The following SMC3 variants were observed in gnomAD, a reference collection of about 807,000 sequenced individuals.
SMC3 encodes structural maintenance of chromosomes 3, also known as structural maintenance of chromosomes protein 3.
Under a neutral mutation model 171.8 loss-of-function variants are expected in SMC3, and 20 were observed. That is an observed-to-expected ratio of 0.12 (90% CI 0.08 to 0.17). The LOEUF is 0.17. Among genes scored for constraint, SMC3 ranks in the 10% least tolerant of loss-of-function variants. The pLI is 1.00. For missense variants in SMC3, 543 were observed against 1,420.4 expected (o/e 0.38, Z 9.93); for synonymous variants, 464 against 451.1 (o/e 1.03, Z -0.36).
intron 2 of SMC3, 114 bp downstream of exon 2, chr10:110,569,127 A>G (rs943604036): frequency 8.1e-6 from 6 of 740,836 alleles, no homozygotes; most frequent in Non-Finnish European, 1.4e-5. Flanking sequence ...ATTAAGTTAT[A>G]TTTTTCTGCG....
At chr10:110,570,889 A>G (rs1473007743) in intron 2 of SMC3, among the ~76,000 whole-genome samples, 2 of 152,238 alleles carry the variant, frequency 1.3e-5, no homozygotes, top group Non-Finnish European at 2.9e-5. Flanking sequence ...TGTAAGACAT[A>G]ATGTAAGAAA....
intron 6 of SMC3, 149 bp from the exon 7 acceptor site, chr10:110,578,479 A>AT (rs1315966484): frequency 1.6e-6 from 1 of 643,460 alleles, no homozygotes. Flanking sequence ...GAGGATAAAC[A>AT]TAAGAATCAG....
chr10:110,569,663 T>C lies in SMC3; in HGVS notation c.91+650T>C, dbSNP rs543180814. ...AAATCCCAGTTGTGGCACACGTTCT[T>C]TTTCACTTTCTGAGAAGCTTCAGTT... On this transcript the variant is annotated intron_variant, in intron 2 of 28. Transcript: ENST00000361804. Among the ~76,000 whole-genome samples the C allele has an allele frequency of 3.9e-5, 6 of 152,294 alleles. No individual in the cohort carries two copies. The East Asian group carries it at 1.2e-3, about 29-fold the overall frequency.
intron 1 of SMC3, 139 bp from the exon 2 acceptor site, chr10:110,568,799 A>T: frequency 1.1e-5 from 7 of 633,112 alleles, no homozygotes; most frequent in Non-Finnish European, 2.0e-5. Flanking sequence ...TTTAATCACC[A>T]CTTTCCAAAA....
chr10:110,581,170 C>T lies in SMC3; in HGVS notation c.547+149C>T, dbSNP rs1861023721. 16 of 657,562 alleles carry T rather than the reference C, an allele frequency of 2.4e-5. 1 individual carries two copies. In the South Asian group the frequency reaches 2.6e-4, roughly 11 times the overall value. 40.7% of individuals were successfully genotyped at this position (657,562 alleles called of 1,614,324 possible). On this transcript the variant is annotated intron_variant, in intron 8 of 28. Coordinates refer to ENST00000361804, the MANE Select transcript of SMC3 (RefSeq NM_005445.4). The stretch of plus-strand genomic sequence containing the variant: ...AATAAAAATTGAGAATCCATAACAC[C>T]AATGATGTTAGTAGCTTTTAAAAAT...
At chr10:110,579,651 G>A (rs1861002570) in intron 7 of SMC3, among the ~76,000 whole-genome samples, 1 of 152,090 alleles carries the variant, frequency 6.6e-6, no homozygotes. Flanking sequence ...GCTCCATGAG[G>A]GTGGGACCTT....
At chr10:110,572,506 A>G (rs1860887160) in intron 2 of SMC3, among the ~76,000 whole-genome samples, 1 of 152,158 alleles carries the variant, frequency 6.6e-6, no homozygotes, top group Non-Finnish European at 1.5e-5. Flanking sequence ...TTAAGACATA[A>G]GTGATGTTGT....
chr10:110,570,796 C>A (rs1033178636), intron 2 of SMC3, among the ~76,000 whole-genome samples: 4 of 152,084 alleles, frequency 2.6e-5, no homozygotes, highest in African/African-American at 9.7e-5. Flanking sequence ...GTCACTGTTA[C>A]AAAGGAAAAT....
rs916885815 is a variant in SMC3, at chr10:110,604,851, A to T, written c.*549A>T. Among the ~76,000 whole-genome samples the T allele has an allele frequency of 1.3e-5, 2 of 152,218 alleles. No homozygotes were observed. Among genetic ancestry groups the T allele is most frequent in the African/African-American group, 4.8e-5 (2 of 41,472 alleles). On this transcript the variant is annotated 3_prime_UTR_variant, in exon 29 of 29. Coordinates refer to ENST00000361804, the MANE Select transcript of SMC3 (RefSeq NM_005445.4). ...CTACCATGGTATATTTATCATTGAT[A>T]CATTACTATCAACTAAGCTCAAGAT...
intron 1 of SMC3, chr10:110,568,353 C>T (rs999780671): frequency 2.3e-5 from 4 of 174,290 alleles, no homozygotes; most frequent in African/African-American, 4.8e-5. Flanking sequence ...GCGAAGTGAG[C>T]GGGACCCTCC....
chr10:110,586,212 A>C lies in SMC3; in HGVS notation c.1305+1816A>C, dbSNP rs146190631. 4.6e-5 allele frequency among the ~76,000 whole-genome samples: 7 copies of C among 152,302 alleles called. No homozygotes were observed. In the East Asian group the frequency reaches 1.2e-3, roughly 25 times the overall value. On this transcript the variant is annotated intron_variant, in intron 13 of 28. Transcript: ENST00000361804. The stretch of plus-strand genomic sequence containing the variant: ...CTGTTTACTTTGTACTCATATTCTC[A>C]CTTTACATAAAGAAAAAAATATATA...
At chr10:110,569,981 G>GT (rs1860845442) in intron 2 of SMC3, among the ~76,000 whole-genome samples, 1 of 152,116 alleles carries the variant, frequency 6.6e-6, no homozygotes, top group Non-Finnish European at 1.5e-5. Context: ...ACTAAGTGGT[G>GT]TATTAGTTTG....
At chr10:110,581,874 C>T in intron 8 of SMC3, 49 bp from the exon 9 acceptor site, 1 of 1,422,902 alleles carries the variant, frequency 7.0e-7, no homozygotes, top group African/African-American at 1.4e-5. Context: ...AGTGATATTA[C>T]ATAAAAATCT....
At chr10:110,599,077 C>T (rs1049510539) in intron 20 of SMC3, among the ~76,000 whole-genome samples, 1 of 151,448 alleles carries the variant, frequency 6.6e-6, no homozygotes, top group Non-Finnish European at 1.5e-5. Flanking sequence ...ACAGTTGTAC[C>T]ATCCCAACCA....
At chr10:110,592,263 CAAAAAA>C (rs58488395) in intron 17 of SMC3, among the ~76,000 whole-genome samples, 2 of 144,490 alleles carry the variant, frequency 1.4e-5, no homozygotes, top group South Asian at 2.2e-4. Flanking sequence ...GACTCCATCT[CAAAAAA>C]AAAAAAAAAT....
intron 19 of SMC3, 55 bp from the exon 20 acceptor site, chr10:110,598,080 GAATT>G (rs1469753830): frequency 1.0e-5 from 15 of 1,494,630 alleles, no homozygotes; most frequent in Non-Finnish European, 1.3e-5. Context: ...TGTCTAAAAA[GAATT>G]AAGAACATAC....
intron 1 of SMC3, chr10:110,568,186 G>A (rs1185319559): frequency 2.4e-6 from 1 of 419,136 alleles, no homozygotes; most frequent in Non-Finnish European, 4.3e-6. Flanking sequence ...CCGCGGGCGG[G>A]AAGGGCTGTG....
In SMC3 at chr10:110,582,110, A is replaced by T; in HGVS notation, c.723+12A>T. 2 of 1,601,156 alleles carry T rather than the reference A, an allele frequency of 1.2e-6. No homozygotes were observed. The highest frequency in any genetic ancestry group is 8.6e-7 in the Non-Finnish European group (1 of 1,168,356). ...CCAAACTTGATGAGGTAAAATATTTACCTGTGACACTTAAAATCAGATTAA... is the reference window on the plus strand; with the variant it reads ...CCAAACTTGATGAGGTAAAATATTTTCCTGTGACACTTAAAATCAGATTAA... On this transcript the variant is annotated intron_variant, in intron 9 of 28. Coordinates refer to ENST00000361804, the MANE Select transcript of SMC3 (RefSeq NM_005445.4).
intron 13 of SMC3, among the ~76,000 whole-genome samples, chr10:110,584,982 A>G (rs191119034): frequency 6.6e-6 from 1 of 151,680 alleles, no homozygotes; most frequent in Non-Finnish European, 1.5e-5. Context: ...ATTTAACAAG[A>G]TGTCACAACA....
Sources: allele counts gnomAD v4.1 joint callset (sites outside exome capture counted in the v4.1 genomes callset), GRCh38; gene constraint gnomAD v4.1.1; transcripts MANE v1.5; gene names NCBI Gene and HGNC (gene_info 2026-07-23, HGNC 2026-07-21).